The following MTHFD1 variants were observed in gnomAD, a reference collection of about 807,000 sequenced individuals.
MTHFD1 encodes methylenetetrahydrofolate dehydrogenase, cyclohydrolase and formyltetrahydrofolate synthetase 1.
In MTHFD1, 44 loss-of-function variants were observed where a neutral mutation model predicts 110.3. The observed-to-expected ratio is 0.40, with a 90% CI of 0.31 to 0.51. MTHFD1 has a LOEUF of 0.51. MTHFD1 is among the 20% of genes least tolerant of loss of function. The pLI is 0.60. For synonymous variants in MTHFD1, 402 were observed against 428.8 expected (o/e 0.94, Z 0.77); for missense variants, 909 against 1,173.1 (o/e 0.77, Z 3.29).
chr14:64,431,437 T>C (rs1275013996), intron 13 of MTHFD1, 95 bp from the exon 14 acceptor site: 14 of 1,061,606 alleles, frequency 1.3e-5, no homozygotes, highest in African/African-American at 7.8e-5. Flanking sequence ...CAGTATTCCA[T>C]TGGCTTTAAA....
intron 16 of MTHFD1, among the ~76,000 whole-genome samples, chr14:64,437,998 T>C (rs987973283): frequency 2.0e-5 from 3 of 152,214 alleles, no homozygotes; most frequent in African/African-American, 7.2e-5. Context: ...CTCAGCCTCC[T>C]GAGAAGCTGG....
intron 1 of MTHFD1, among the ~76,000 whole-genome samples, chr14:64,397,221 A>G (rs1409083059): frequency 2.2e-5 from 2 of 92,650 alleles, no homozygotes. Context: ...GGCAGGGGAT[A>G]AATTGTGTCC....
At chr14:64,402,284 G>A (rs1368850573) in intron 2 of MTHFD1, among the ~76,000 whole-genome samples, 1 of 152,150 alleles carries the variant, frequency 6.6e-6, no homozygotes. Flanking sequence ...TCTTCCAAAT[G>A]TTAACATTTC....
intron 1 of MTHFD1, among the ~76,000 whole-genome samples, chr14:64,395,230 T>TTAGATTACTTCTTTATA (rs1430345927): frequency 6.6e-6 from 1 of 152,264 alleles, no homozygotes; most frequent in African/African-American, 2.4e-5. Flanking sequence ...GCTTACAGAA[T>TTAGATTACTTCTTTATA]TAGATTACTT....
intron 8 of MTHFD1, among the ~76,000 whole-genome samples, chr14:64,424,398 G>A (rs1049636103): frequency 2.6e-5 from 4 of 152,214 alleles, no homozygotes; most frequent in African/African-American, 7.2e-5. Context: ...GACAGTTGCT[G>A]TAGAAACGAT....
At chr14:64,434,056 ACTT>A (rs1432027912) in intron 15 of MTHFD1, among the ~76,000 whole-genome samples, 1 of 152,088 alleles carries the variant, frequency 6.6e-6, no homozygotes, top group Non-Finnish European at 1.5e-5. Flanking sequence ...GTTTTACAAC[ACTT>A]CTTGGTCACT....
intron 18 of MTHFD1, 74 bp downstream of exon 18, chr14:64,440,340 T>C (rs756204739): frequency 2.8e-5 from 43 of 1,534,460 alleles, no homozygotes; most frequent in Non-Finnish European, 3.7e-5. Flanking sequence ...CAGTTATTAA[T>C]AACAAAATGT....
intron 11 of MTHFD1, among the ~76,000 whole-genome samples, chr14:64,426,954 C>T (rs1383861399): frequency 6.6e-6 from 1 of 152,138 alleles, no homozygotes; most frequent in Admixed American, 6.5e-5. Flanking sequence ...AGCTAAAATA[C>T]AGGAATCATT....
rs2078034445 is a variant in MTHFD1, at chr14:64,417,597, C to CT, written c.479-285dup. Among the ~76,000 whole-genome samples, 1 of 152,040 alleles carries CT rather than the reference C, an allele frequency of 6.6e-6. No homozygotes were observed. The highest frequency in any genetic ancestry group is 2.4e-5 in the African/African-American group (1 of 41,414). On this transcript the variant is annotated intron_variant, in intron 6 of 27. Coordinates refer to ENST00000652337, the MANE Select transcript of MTHFD1 (RefSeq NM_005956.4). The surrounding 1 kb of genome is among the most constrained non-coding windows in gnomAD (Gnocchi z 4.4). ...GCTGATTAGCTGTATGTCAGGGTTT[C>CT]TTTTTTCTTTGAGTGTAGGTTTTCT...
chr14:64,437,856 C>T (rs2078218271), intron 16 of MTHFD1, among the ~76,000 whole-genome samples: 1 of 152,114 alleles, frequency 6.6e-6, no homozygotes, highest in Non-Finnish European at 1.5e-5. Context: ...AGCCCAGAGG[C>T]TCATCAAATC....
chr14:64,389,354 T>C (rs761953706), intron 1 of MTHFD1, among the ~76,000 whole-genome samples: 3 of 152,228 alleles, frequency 2.0e-5, no homozygotes, highest in African/African-American at 4.8e-5. Context: ...AGTTACTAAA[T>C]TGTAATTGTC....
intron 1 of MTHFD1, among the ~76,000 whole-genome samples, chr14:64,398,809 G>A (rs922993380): frequency 6.6e-6 from 1 of 152,184 alleles, no homozygotes; most frequent in African/African-American, 2.4e-5. Flanking sequence ...GACAGAGCAT[G>A]TTCAAGTTGA....
At chr14:64,441,001 C>A (rs2140974721) in intron 18 of MTHFD1, 1 of 331,316 alleles carries the variant, frequency 3.0e-6, no homozygotes, top group East Asian at 7.7e-5. Context: ...ACCATCCTGG[C>A]TAACACAATG....
rs2140976800 is a variant in MTHFD1, at chr14:64,443,478, A to G, written c.2136+1076A>G. Among the ~76,000 whole-genome samples, 3 of 152,340 alleles carry G rather than the reference A, an allele frequency of 2.0e-5. No homozygotes were observed. The South Asian group carries it at 6.2e-4, about 32-fold the overall frequency. On this transcript the variant is annotated intron_variant, in intron 21 of 27. Coordinates refer to ENST00000652337, the MANE Select transcript of MTHFD1 (RefSeq NM_005956.4). ...TTTGGAAAAGTCCATTATATGCTCA[A>G]TGAGAGAATGATAATGAGAGTAAAA...
Position 64,442,422 on chromosome 14 carries a change from A to G in MTHFD1, c.2136+20A>G, listed in dbSNP as rs971206847. 3 of 1,613,440 alleles carry G rather than the reference A, an allele frequency of 1.9e-6. No homozygotes were observed. Among genetic ancestry groups the G allele is most frequent in the South Asian group, 1.1e-5 (1 of 91,080 alleles). Reference sequence around the variant, plus strand: ...CCCACGGTGAGTGGTGGGTTGAAGTATCTGATTATCGGCAGTGTGCTGACG... The same window carrying G: ...CCCACGGTGAGTGGTGGGTTGAAGTGTCTGATTATCGGCAGTGTGCTGACG... On this transcript the variant is annotated intron_variant, in intron 21 of 27. Coordinates refer to ENST00000652337, the MANE Select transcript of MTHFD1 (RefSeq NM_005956.4).
At chr14:64,415,876 G>A in intron 6 of MTHFD1, 137 bp downstream of exon 6, 1 of 847,622 alleles carries the variant, frequency 1.2e-6, no homozygotes, top group Non-Finnish European at 1.9e-6. Flanking sequence ...TACTAAGGAT[G>A]TTACCTAAAT....
intron 15 of MTHFD1, among the ~76,000 whole-genome samples, chr14:64,435,052 C>T (rs948354387): frequency 2.8e-5 from 4 of 143,032 alleles, no homozygotes; most frequent in Admixed American, 1.5e-4. Context: ...TGGGTTCAAG[C>T]AGTTCTGCTG....
At chr14:64,398,300 T>C (rs1259424089) in intron 1 of MTHFD1, among the ~76,000 whole-genome samples, 1 of 152,162 alleles carries the variant, frequency 6.6e-6, no homozygotes, top group Non-Finnish European at 1.5e-5. Flanking sequence ...ATCCCAGCAC[T>C]TTTGGGAGGC....
intron 2 of MTHFD1, among the ~76,000 whole-genome samples, chr14:64,405,257 A>G (rs987592374): frequency 5.9e-5 from 9 of 152,198 alleles, no homozygotes; most frequent in African/African-American, 1.9e-4. Flanking sequence ...TTTTTAAAGC[A>G]ACATTGGGGG....
Sources: gnomAD v4.1 joint callset for allele counts (sites outside exome capture counted in the v4.1 genomes callset) on GRCh38, gnomAD v4.1.1 for gene constraint, Gnocchi (gnomAD v3.1) non-coding constraint, MANE v1.5 for transcripts, NCBI Gene and HGNC (gene_info 2026-07-23, HGNC 2026-07-21) for gene names.